Variants in MACF1 observed in about 807,000 individuals in gnomAD.
The protein encoded by MACF1 is microtubule-actin cross-linking factor 1.
In MACF1, 193 loss-of-function variants were observed where a neutral mutation model predicts 854.8. That is an observed-to-expected ratio of 0.23 (90% CI 0.20 to 0.25). MACF1 has a LOEUF of 0.25. Ranked by LOEUF, MACF1 falls within the 10% of genes least tolerant of loss-of-function variation. The pLI, the probability that MACF1 is intolerant of heterozygous loss-of-function variation, is 1.00. For synonymous variants in MACF1, 3,185 were observed against 3,226.7 expected, an observed-to-expected ratio of 0.99 and a Z score of 0.44; for missense variants, 7,722 against 8,929.1, an observed-to-expected ratio of 0.86 and a Z score of 5.45.
chr1:39,269,183 A>C, intron 6 of MACF1: 1 of 1,290,016 alleles, frequency 7.8e-7, no homozygotes, highest in Non-Finnish European at 1.0e-6. Context: ...CAGTGAGCCA[A>C]CTGGTGGAAT....
At chr1:39,330,811 T>C (rs1231605982) in intron 36 of MACF1, among the ~76,000 whole-genome samples, 1 of 151,766 alleles carries the variant, frequency 6.6e-6, no homozygotes, top group Non-Finnish European at 1.5e-5. Context: ...ACTTTTTTTT[T>C]TTTTTTTTGA....
intron 2 of MACF1, among the ~76,000 whole-genome samples, chr1:39,171,726 C>T (rs916599985): frequency 7.2e-5 from 11 of 152,238 alleles, no homozygotes; most frequent in Middle Eastern, 3.4e-3. Context: ...CTCGGGTTCA[C>T]GCCATTCTCC....
chr1:39,302,548 G>A (rs1330569481), intron 22 of MACF1, among the ~76,000 whole-genome samples: 1 of 152,124 alleles, frequency 6.6e-6, no homozygotes, highest in African/African-American at 2.4e-5. Flanking sequence ...TAGGAAGTAG[G>A]GAGAGGAAAT....
intron 96 of MACF1, among the ~76,000 whole-genome samples, chr1:39,469,312 G>C (rs2124130446): frequency 6.6e-6 from 1 of 152,328 alleles, no homozygotes; most frequent in East Asian, 1.9e-4. Flanking sequence ...AATTTAATAT[G>C]AGCATGAGTG....
intron 60 of MACF1, among the ~76,000 whole-genome samples, chr1:39,423,222 T>C (rs1047213952): frequency 6.6e-6 from 1 of 152,234 alleles, no homozygotes; most frequent in Non-Finnish European, 1.5e-5. Flanking sequence ...AAGTTTTATC[T>C]ATATTTTTTG....
rs1190122977 is a variant in MACF1, at chr1:39,291,942, C to G, written c.1818C>G (p.Asp606Glu). The G allele has an allele frequency of 6.2e-7, 1 of 1,613,930 alleles. No individual in the cohort carries two copies. The highest frequency in any genetic ancestry group is 8.5e-7 in the Non-Finnish European group (1 of 1,179,968). The change falls in exon 16 of 101, where the codon GAC (aspartate) becomes GAG (glutamate). Residue 606 changes from aspartate (D) to glutamate (E), a missense_variant. Around this residue, in one of 15 missense-constraint regions of MACF1, gnomAD observed 1,137 missense variants for 1,263.0 expected, o/e 0.90. Transcript: ENST00000564288. The part of the protein sequence containing the change: ...MKLERAEWGN[D>E]LPSVELQLET... ...TGGAGCGAGCAGAGTGGGGCAATGA[C>G]CTGCCTAGTGTGGAGTTGCAGCTAG... is the stretch of plus-strand genomic sequence containing the variant.
rs1332370378 is a variant in MACF1, at chr1:39,149,232, G to A, written c.220+64794G>A. Reference sequence around the variant, plus strand: ...AAGGGTAGTGCCATTACTTGAAGTGGGAAATTAAAAGGAGGCATTGGCTGG... The same window carrying A: ...AAGGGTAGTGCCATTACTTGAAGTGAGAAATTAAAAGGAGGCATTGGCTGG... On this transcript the variant is annotated intron_variant, in intron 2 of 93. Coordinates refer to the MACF1 transcript ENST00000361689. 2.0e-5 allele frequency among the ~76,000 whole-genome samples: 3 copies of A among 152,264 alleles called. No homozygotes were observed. In the East Asian group the frequency reaches 5.8e-4, roughly 29 times the overall value.
intron 93 of MACF1, among the ~76,000 whole-genome samples, chr1:39,462,865 G>A (rs966552033): frequency 1.3e-5 from 2 of 152,188 alleles, no homozygotes; most frequent in African/African-American, 4.8e-5. Flanking sequence ...GTTGATAACA[G>A]ATCTTGGTAA....
At position 39,254,405 on chromosome 1, in the gene MACF1, T is replaced by C. The variant is rs370415634; in HGVS notation, c.435+30T>C. The C allele has an allele frequency of 1.2e-4, 190 of 1,605,820 alleles. 1 individual carries two copies. In the African/African-American group the frequency reaches 2.3e-3, roughly 20 times the overall value. The stretch of plus-strand genomic sequence containing the variant: ...GACCATCACATGCCTTCCCCATTCT[T>C]CCAGGCTGTGTTGGCATTGGGGCCC... On this transcript the variant is annotated intron_variant, in intron 5 of 100. Transcript: ENST00000564288.
At chr1:39,353,684 A>G (rs1251178797) in intron 44 of MACF1, among the ~76,000 whole-genome samples, 2 of 152,170 alleles carry the variant, frequency 1.3e-5, no homozygotes, top group East Asian at 3.8e-4. Context: ...ATCAGCCTGA[A>G]AATGGAACTC....
chr1:39,270,708 T>C (rs1000464828), intron 6 of MACF1, among the ~76,000 whole-genome samples: 5 of 152,150 alleles, frequency 3.3e-5, no homozygotes, highest in Non-Finnish European at 5.9e-5. Flanking sequence ...AAGTGCAAAA[T>C]TTATAAAATG....
rs1349400876 is a variant in MACF1, at chr1:39,442,398, C to T, written c.18949-14C>T. The T allele has an allele frequency of 4.3e-6, 7 of 1,611,120 alleles. No homozygotes were observed. The Admixed American group carries it at 1.2e-4, about 27-fold the overall frequency. ...TTCGTATTGAATATTCCCTTTCTGT[C>T]TTTTCCTGAGTAGCACAAACTAGAA... On this transcript the variant is annotated splice_polypyrimidine_tract_variant and intron_variant, in intron 76 of 100. Transcript: ENST00000564288.
intron 52 of MACF1, among the ~76,000 whole-genome samples, chr1:39,374,662 C>G (rs1649556365): frequency 6.6e-6 from 1 of 152,136 alleles, no homozygotes; most frequent in Non-Finnish European, 1.5e-5. Flanking sequence ...GTGGTTGTGA[C>G]TGTATTCCAG....
At chr1:39,349,924 C>A (rs1647141139) in intron 42 of MACF1, among the ~76,000 whole-genome samples, 1 of 152,216 alleles carries the variant, frequency 6.6e-6, no homozygotes, top group Non-Finnish European at 1.5e-5. Context: ...CTTGAGCCAC[C>A]ATGCCTGGTG....
intron 2 of MACF1, among the ~76,000 whole-genome samples, chr1:39,174,786 A>G (rs1323397736): frequency 6.6e-6 from 1 of 152,234 alleles, no homozygotes; most frequent in Non-Finnish European, 1.5e-5. Flanking sequence ...CCAAATTTAC[A>G]GTAGTAAGAG....
intron 2 of MACF1, among the ~76,000 whole-genome samples, chr1:39,246,658 AC>A (rs1644984767): frequency 6.6e-6 from 1 of 151,844 alleles, no homozygotes; most frequent in African/African-American, 2.4e-5. Context: ...ACAGGCGCCC[AC>A]GACCACACCC....
chr1:39,248,704 C>G (rs1485580080), intron 2 of MACF1, among the ~76,000 whole-genome samples: 2 of 152,178 alleles, frequency 1.3e-5, no homozygotes, highest in African/African-American at 4.8e-5. Context: ...ATAATTTTCA[C>G]AAGTCTTCCC....
intron 80 of MACF1, among the ~76,000 whole-genome samples, chr1:39,445,329 C>T (rs1775656): frequency 0.4 from 60,978 of 152,082 alleles, 14,315 homozygotes; most frequent in African/African-American, 0.66. Flanking sequence ...TGAAAGATGA[C>T]TAGGGATCAA....
chr1:39,416,069 C>A (rs138694483), intron 58 of MACF1, among the ~76,000 whole-genome samples: 27 of 152,302 alleles, frequency 1.8e-4, no homozygotes, highest in African/African-American at 6.5e-4. Flanking sequence ...GCTAAACATG[C>A]AGGTCCTGAC....
Sources: allele counts gnomAD v4.1 joint callset (sites outside exome capture counted in the v4.1 genomes callset), GRCh38; gene constraint gnomAD v4.1.1; regional missense constraint gnomAD v4.1.1; transcripts MANE v1.5; gene names NCBI Gene and HGNC (gene_info 2026-07-23, HGNC 2026-07-21).